The following PPP2R5E variants were observed in gnomAD, a reference collection of about 807,000 sequenced individuals.
The protein encoded by PPP2R5E is serine/threonine-protein phosphatase 2A 56 kDa regulatory subunit epsilon isoform.
Under a neutral mutation model 65.3 loss-of-function variants are expected in PPP2R5E, and 4 were observed. The observed-to-expected ratio is 0.06, with a 90% CI of 0.03 to 0.14. The LOEUF (loss-of-function observed/expected upper bound fraction) is 0.14, where lower values mean the gene tolerates loss of function less well. Among genes scored for constraint, PPP2R5E ranks in the 10% least tolerant of loss-of-function variants. The probability of loss-of-function intolerance (pLI) is 1.00; values close to 1 mark genes in which losing one functional copy is unlikely to be tolerated. For synonymous variants in PPP2R5E, 183 were observed against 187.4 expected (o/e 0.98, Z 0.19); for missense variants, 274 against 556.1 (o/e 0.49, Z 5.10).
At chr14:63,463,362 G>A (rs1278845513) in intron 2 of PPP2R5E, among the ~76,000 whole-genome samples, 2 of 151,042 alleles carry the variant, frequency 1.3e-5, no homozygotes, top group South Asian at 4.2e-4. Flanking sequence ...GGATGGTATC[G>A]AACTCCTGGC....
At chr14:63,474,480 C>T (rs28380642) in intron 2 of PPP2R5E, among the ~76,000 whole-genome samples, 1 of 151,280 alleles carries the variant, frequency 6.6e-6, no homozygotes, top group African/African-American at 2.4e-5. Context: ...ATATACAAGA[C>T]CAAAGTCTGA....
At chr14:63,384,701 T>C (rs1884558946) in intron 11 of PPP2R5E, 130 bp from the exon 12 acceptor site, 1 of 687,780 alleles carries the variant, frequency 1.5e-6, no homozygotes, top group Non-Finnish European at 2.3e-6. Context: ...TAAAATTAAA[T>C]ATTAATCACA....
At chr14:63,433,471 G>A (rs1399977297) in intron 3 of PPP2R5E, among the ~76,000 whole-genome samples, 1 of 152,058 alleles carries the variant, frequency 6.6e-6, no homozygotes, top group Admixed American at 6.5e-5. Flanking sequence ...TTTAAGTTTT[G>A]TCTTTAGGTC....
intron 2 of PPP2R5E, among the ~76,000 whole-genome samples, chr14:63,455,992 C>T (rs1380999608): frequency 3.9e-5 from 6 of 152,156 alleles, no homozygotes; most frequent in African/African-American, 1.4e-4. Context: ...GTCTCAAACT[C>T]CTGACCTCAG....
chr14:63,523,249 G>A (rs931030596), intron 2 of PPP2R5E, among the ~76,000 whole-genome samples: 30 of 152,224 alleles, frequency 2.0e-4, no homozygotes, highest in Admixed American at 5.9e-4. Context: ...TGACAATGGC[G>A]GTTTTGTGGA....
chr14:63,441,492 C>T (rs1366665781), intron 3 of PPP2R5E, among the ~76,000 whole-genome samples: 1 of 152,228 alleles, frequency 6.6e-6, no homozygotes, highest in African/African-American at 2.4e-5. Flanking sequence ...ATCTTGTACT[C>T]TCCAAGTGAG....
At chr14:63,392,296 C>T (rs45599744) in intron 8 of PPP2R5E, among the ~76,000 whole-genome samples, 3,566 of 152,270 alleles carry the variant, frequency 0.023, 96 homozygotes, top group African/African-American at 0.065. Context: ...AGAGGTGAGA[C>T]ATCACATTCA....
intron 13 of PPP2R5E, 122 bp from the exon 14 acceptor site, chr14:63,376,230 T>A: frequency 1.6e-6 from 1 of 639,232 alleles, no homozygotes; most frequent in Non-Finnish European, 2.5e-6. Flanking sequence ...AAATTAACTT[T>A]AAAATTACTA....
chr14:63,480,405 G>A lies in PPP2R5E; in HGVS notation c.158-26520C>T, dbSNP rs138711809. ...TGGGAGGCAGAGGCTGCAGTGAACCGAGATCACACCACTGCACTCCAGTCT... is the reference window on the plus strand; with the variant it reads ...TGGGAGGCAGAGGCTGCAGTGAACCAAGATCACACCACTGCACTCCAGTCT... On this transcript the variant is annotated intron_variant, in intron 2 of 13. Coordinates refer to ENST00000337537, the MANE Select transcript of PPP2R5E (RefSeq NM_006246.5). Among the ~76,000 whole-genome samples, 1,225 of 151,896 alleles carry A rather than the reference G, an allele frequency of 8.1e-3. 43 individuals are homozygous for A. In the East Asian group the frequency reaches 0.11, roughly 14 times the overall value.
chr14:63,391,308 C>T (rs1300473021), intron 10 of PPP2R5E, among the ~76,000 whole-genome samples: 9 of 152,202 alleles, frequency 5.9e-5, no homozygotes, highest in Non-Finnish European at 1.0e-4. Flanking sequence ...GGCTATTTAA[C>T]CTCTCTACAG....
At chr14:63,389,790 A>G in intron 10 of PPP2R5E, 59 bp from the exon 11 acceptor site, 1 of 1,462,984 alleles carries the variant, frequency 6.8e-7, no homozygotes, top group Non-Finnish European at 9.1e-7. Flanking sequence ...ATCCATAAGA[A>G]CAAGGAGGAT....
intron 2 of PPP2R5E, among the ~76,000 whole-genome samples, chr14:63,472,411 C>T (rs2139562458): frequency 6.6e-6 from 1 of 152,362 alleles, no homozygotes; most frequent in South Asian, 2.1e-4. Context: ...AGCTGGCTTA[C>T]TTCAAGACTT....
At chr14:63,378,875 T>C (rs143658924) in intron 13 of PPP2R5E, among the ~76,000 whole-genome samples, 125 of 152,326 alleles carry the variant, frequency 8.2e-4, no homozygotes, top group African/African-American at 2.6e-3. Flanking sequence ...TGAAGTAAAA[T>C]TGTCCATTCA....
intron 5 of PPP2R5E, among the ~76,000 whole-genome samples, chr14:63,400,112 T>C (rs1885661767): frequency 6.6e-6 from 1 of 152,202 alleles, no homozygotes; most frequent in Non-Finnish European, 1.5e-5. Flanking sequence ...CCATCTATCA[T>C]TCATTCATCT....
At chr14:63,407,031 C>A (rs1386972287) in intron 5 of PPP2R5E, among the ~76,000 whole-genome samples, 3 of 152,198 alleles carry the variant, frequency 2.0e-5, no homozygotes, top group African/African-American at 7.2e-5. Flanking sequence ...ACACCACCAG[C>A]ATAACGTTTA....
intron 2 of PPP2R5E, among the ~76,000 whole-genome samples, chr14:63,507,156 C>CAGTA (rs930714255): frequency 5.3e-5 from 8 of 152,180 alleles, no homozygotes; most frequent in Admixed American, 5.2e-4. Flanking sequence ...GGGAGGATCT[C>CAGTA]AGTAGCCTGG....
intron 2 of PPP2R5E, among the ~76,000 whole-genome samples, chr14:63,466,273 C>CAAAAAAAAA (rs550383242): frequency 3.4e-5 from 4 of 118,278 alleles, no homozygotes; most frequent in South Asian, 2.7e-4. Flanking sequence ...TTTAAAAATA[C>CAAAAAAAAA]AAAAAAAAAA....
rs1011689060 is a variant in PPP2R5E at position 63,501,278 on chromosome 14, G to A, written c.157+38251C>T. 8.6e-5 allele frequency among the ~76,000 whole-genome samples: 13 copies of A among 151,870 alleles called. 1 individual carries two copies. Among genetic ancestry groups the A allele is most frequent in the Admixed American group, 7.9e-4 (12 of 15,226 alleles). ...AAATTAGCCGGGCGTGGTGGCGAGC[G>A]CCTGTAGTCCCAGCTACTCAAGAGG... On this transcript the variant is annotated intron_variant, in intron 2 of 13. Transcript: ENST00000337537.
intron 5 of PPP2R5E, among the ~76,000 whole-genome samples, chr14:63,404,395 G>T (rs1181868262): frequency 2.6e-5 from 4 of 152,108 alleles, no homozygotes; most frequent in Non-Finnish European, 5.9e-5. Flanking sequence ...CACATTTCTG[G>T]CTTTGTTTGC....
Sources: gnomAD v4.1 joint callset for allele counts (sites outside exome capture counted in the v4.1 genomes callset) on GRCh38, gnomAD v4.1.1 for gene constraint, MANE v1.5 for transcripts, NCBI Gene and HGNC (gene_info 2026-07-23, HGNC 2026-07-21) for gene names.